The following ZC3H12B variants were observed in gnomAD, a reference collection of about 807,000 sequenced individuals.
The protein encoded by ZC3H12B is zinc finger CCCH-type containing 12B, also known as probable ribonuclease ZC3H12B.
Under a neutral mutation model 43.9 loss-of-function variants are expected in ZC3H12B, and 7 were observed. That is an observed-to-expected ratio of 0.16 (90% CI 0.09 to 0.30). ZC3H12B has a LOEUF of 0.30. Among genes scored for constraint, ZC3H12B ranks in the 10% least tolerant of loss-of-function variants. The pLI is 1.00. For missense variants in ZC3H12B, 475 were observed against 670.2 expected, an observed-to-expected ratio of 0.71 and a Z score of 3.22; for synonymous variants, 222 against 241.7, an observed-to-expected ratio of 0.92 and a Z score of 0.76.
chrX:65,311,729 G>A, the ZC3H12B span, among the ~76,000 whole-genome samples: 1 of 111,564 alleles, frequency 9.0e-6, no homozygotes, highest in African/African-American at 3.3e-5. Flanking sequence ...CAATAGCAAA[G>A]ACTTGGAACC....
chrX:65,171,612 T>G, the ZC3H12B span, among the ~76,000 whole-genome samples: 1 of 111,260 alleles, frequency 9.0e-6, no homozygotes, highest in African/African-American at 3.3e-5. Flanking sequence ...TCTGCTGCCT[T>G]TTGTTCAGCT....
intron 3 of ZC3H12B, among the ~76,000 whole-genome samples, chrX:65,409,630 G>A (rs556641703): frequency 9.4e-6 from 1 of 106,745 alleles, no homozygotes; most frequent in South Asian, 4.1e-4. Context: ...AAGGTAGGAG[G>A]TTACAAAATT....
chrX:65,310,674 A>T, the ZC3H12B span, among the ~76,000 whole-genome samples: 1 of 111,997 alleles, frequency 8.9e-6, no homozygotes, highest in African/African-American at 3.3e-5. Context: ...GCCAAAAGAG[A>T]GACCACATAG....
the ZC3H12B span, among the ~76,000 whole-genome samples, chrX:65,246,083 T>G: frequency 9.0e-6 from 1 of 111,584 alleles, no homozygotes; most frequent in Non-Finnish European, 1.9e-5. Flanking sequence ...ACCAAATCAA[T>G]GTGCAAAAAT....
At chrX:65,131,683 G>A in the ZC3H12B span, among the ~76,000 whole-genome samples, 270 of 111,733 alleles carry the variant, frequency 2.4e-3, no homozygotes, top group African/African-American at 8.3e-3. Context: ...ACCATGCGTA[G>A]GAAGGAAAGG....
chrX:65,288,718 CA>C, the ZC3H12B span, among the ~76,000 whole-genome samples: 1 of 111,416 alleles, frequency 9.0e-6, no homozygotes, highest in Admixed American at 9.6e-5. Context: ...CACTTCTATT[CA>C]GCACAGTACT....
chrX:65,485,139 A>G (rs1602520335), upstream of ZC3H12B, among the ~76,000 whole-genome samples: 1 of 112,573 alleles, frequency 8.9e-6, no homozygotes, highest in East Asian at 2.8e-4. Context: ...AGCTTCTTAA[A>G]ACAAATTACA....
chrX:65,300,436 A>G, the ZC3H12B span, among the ~76,000 whole-genome samples: 1 of 111,383 alleles, frequency 9.0e-6, no homozygotes, highest in East Asian at 2.8e-4. Flanking sequence ...AGAGACAGCC[A>G]TAATCCTTCT....
At chrX:65,352,643 A>T in the ZC3H12B span, among the ~76,000 whole-genome samples, 2 of 111,134 alleles carry the variant, frequency 1.8e-5, no homozygotes, top group African/African-American at 3.3e-5. Context: ...ACTGTGCTTC[A>T]CTTCCTTATG....
chrX:65,450,867 G>A (rs2067493519), intron 3 of ZC3H12B, among the ~76,000 whole-genome samples: 3 of 80,949 alleles, frequency 3.7e-5, no homozygotes, highest in Admixed American at 1.5e-4. Context: ...GTGTATATAT[G>A]TATATATATA....
At chrX:65,133,151 G>A in the ZC3H12B span, among the ~76,000 whole-genome samples, 2 of 111,391 alleles carry the variant, frequency 1.8e-5, no homozygotes, top group Non-Finnish European at 3.8e-5. Context: ...TGGTTCAGGC[G>A]TTTGGAAGTT....
exon 5 of ZC3H12B, chrX:65,502,794 C>T: frequency 8.3e-7 from 1 of 1,208,582 alleles, no homozygotes; most frequent in Non-Finnish European, 1.1e-6. Flanking sequence ...CTGGTGATGA[C>T]TCGGATGGAT....
At chrX:65,132,772 AAGGTAATGTGGAGTGGAT>A in the ZC3H12B span, among the ~76,000 whole-genome samples, 1 of 111,283 alleles carries the variant, frequency 9.0e-6, no homozygotes, top group Non-Finnish European at 1.9e-5. Context: ...CCTTGAAAAG[AAGGTAATGTGGAGTGGAT>A]AGCCTCCGTA....
chrX:65,249,417 A>G, the ZC3H12B span, among the ~76,000 whole-genome samples: 1 of 111,963 alleles, frequency 8.9e-6, no homozygotes, highest in Non-Finnish European at 1.9e-5. Context: ...CATTGGTCTA[A>G]TTGGTACTTT....
At chrX:65,154,308 A>T in the ZC3H12B span, among the ~76,000 whole-genome samples, 13 of 112,033 alleles carry the variant, frequency 1.2e-4, no homozygotes, top group Admixed American at 4.7e-4. Context: ...CTTTTGTTAA[A>T]TTTTTTCCTA....
intron 3 of ZC3H12B, among the ~76,000 whole-genome samples, chrX:65,436,934 C>T (rs1325552963): frequency 1.8e-5 from 2 of 110,381 alleles, no homozygotes; most frequent in African/African-American, 6.6e-5. Context: ...AGATCTTATT[C>T]ATTTTATTAT....
the ZC3H12B span, among the ~76,000 whole-genome samples, chrX:65,171,830 A>T: frequency 6.3e-5 from 7 of 111,339 alleles, no homozygotes; most frequent in African/African-American, 2.0e-4. Context: ...TGGGCATGGG[A>T]CCCTCCGAGA....
intron 2 of ZC3H12B, among the ~76,000 whole-genome samples, chrX:65,388,985 C>G (rs370217849): frequency 8.9e-6 from 1 of 111,798 alleles, no homozygotes; most frequent in Non-Finnish European, 1.9e-5. Context: ...GCTGCCTGAT[C>G]GTTCCTCTGG....
chrX:65,342,911 A>G, the ZC3H12B span, among the ~76,000 whole-genome samples: 1 of 110,808 alleles, frequency 9.0e-6, no homozygotes, highest in Admixed American at 9.6e-5. Context: ...AAATAGGTAC[A>G]TGACTAGCTA....
Sources: allele counts gnomAD v4.1 joint callset (sites outside exome capture counted in the v4.1 genomes callset), GRCh38; gene constraint gnomAD v4.1.1; transcripts MANE v1.5; gene names NCBI Gene and HGNC (gene_info 2026-07-23, HGNC 2026-07-21).